ANKS1B: variants seen among roughly 807,000 people sequenced by gnomAD.
ANKS1B encodes ankyrin repeat and sterile alpha motif domain-containing protein 1B.
In ANKS1B, 36 loss-of-function variants were observed where a neutral mutation model predicts 148.3. The ratio of observed to expected loss-of-function variants is 0.24; its 90% CI spans 0.19 to 0.32. ANKS1B has a LOEUF of 0.32. Among genes scored for constraint, ANKS1B ranks in the 10% least tolerant of loss-of-function variants. The probability of loss-of-function intolerance (pLI) is 1.00; values close to 1 mark genes in which losing one functional copy is unlikely to be tolerated. For missense variants in ANKS1B, 1,157 were observed against 1,542.6 expected (o/e 0.75, Z 4.19); for synonymous variants, 542 against 560.8 (o/e 0.97, Z 0.47).
chr12:99,800,921 A>G (rs2066871637), intron 4 of ANKS1B, among the ~76,000 whole-genome samples: 1 of 152,096 alleles, frequency 6.6e-6, no homozygotes, highest in African/African-American at 2.4e-5. Context: ...GACAGAGATG[A>G]AAAGATGTTT....
chr12:99,291,100 C>A (rs561070528), intron 12 of ANKS1B, among the ~76,000 whole-genome samples: 1 of 152,004 alleles, frequency 6.6e-6, no homozygotes, highest in Non-Finnish European at 1.5e-5. Flanking sequence ...ATGCCAACAG[C>A]AAACAATATG....
In ANKS1B at chr12:99,230,718, G is replaced by A. The variant is rs112085098; in HGVS notation, c.2419+13624C>T. Reference sequence around the variant, plus strand: ...CGTCTGTGGTGCTAAGAACACAATCGTTTGATTAAACAAGATCTCTTGATA... The same window carrying A: ...CGTCTGTGGTGCTAAGAACACAATCATTTGATTAAACAAGATCTCTTGATA... On this transcript the variant is annotated intron_variant, in intron 14 of 26. Coordinates refer to ENST00000683438, the MANE Select transcript of ANKS1B (RefSeq NM_001352186.2). Among the ~76,000 whole-genome samples the A allele has an allele frequency of 9.2e-3, 1,397 of 152,122 alleles. 9 individuals are homozygous for A. The highest frequency in any genetic ancestry group is 0.014 in the African/African-American group (598 of 41,522).
At chr12:99,468,891 A>G (rs2152894862) in intron 10 of ANKS1B, among the ~76,000 whole-genome samples, 1 of 152,288 alleles carries the variant, frequency 6.6e-6, no homozygotes, top group South Asian at 2.1e-4. Context: ...GCGATTCCTC[A>G]GGGATCTAGA....
At chr12:99,697,714 G>A (rs1236471283) in intron 8 of ANKS1B, among the ~76,000 whole-genome samples, 1 of 152,030 alleles carries the variant, frequency 6.6e-6, no homozygotes, top group Non-Finnish European at 1.5e-5. Context: ...AACACAAAGA[G>A]TAAAACCCTA....
chr12:99,725,139 C>A (rs2058488993), intron 8 of ANKS1B, among the ~76,000 whole-genome samples: 1 of 152,288 alleles, frequency 6.6e-6, no homozygotes, highest in South Asian at 2.1e-4. Context: ...ATGACAGGAT[C>A]AAAATCACAT....
intron 12 of ANKS1B, among the ~76,000 whole-genome samples, chr12:99,359,170 A>G (rs56344716): frequency 2.0e-5 from 3 of 152,164 alleles, no homozygotes; most frequent in African/African-American, 4.8e-5. Context: ...TTTGGTTTGG[A>G]AGCTCGGGAT....
At chr12:99,280,279 A>G (rs1297008508) in intron 12 of ANKS1B, among the ~76,000 whole-genome samples, 3 of 152,098 alleles carry the variant, frequency 2.0e-5, no homozygotes, top group Admixed American at 6.6e-5. Context: ...AATGCTAGTG[A>G]GTAGACATGC....
rs138808140 is a variant in ANKS1B at position 99,858,402 on chromosome 12, T to G, written c.135-33013A>C. Among the ~76,000 whole-genome samples the G allele has an allele frequency of 7.9e-3, 1,205 of 152,126 alleles. 14 individuals are homozygous for G. The highest frequency in any genetic ancestry group is 0.027 in the African/African-American group (1,140 of 41,496). ...GATGGTGGTGTGGATGTGGTAAAAA[T>G]GGAACACTTTTACACTGTTGGTGGG... On this transcript the variant is annotated intron_variant, in intron 1 of 26. Coordinates refer to ENST00000683438, the MANE Select transcript of ANKS1B (RefSeq NM_001352186.2).
intron 15 of ANKS1B, among the ~76,000 whole-genome samples, chr12:99,089,384 T>C (rs2053264709): frequency 6.6e-6 from 1 of 152,180 alleles, no homozygotes; most frequent in Non-Finnish European, 1.5e-5. Context: ...TGTCAAATGT[T>C]AAGAATGACC....
At chr12:99,280,636 C>T (rs532927194) in intron 12 of ANKS1B, among the ~76,000 whole-genome samples, 1 of 152,152 alleles carries the variant, frequency 6.6e-6, no homozygotes, top group African/African-American at 2.4e-5. Context: ...ATGGGTAGGG[C>T]AATCAGTTGA....
chr12:99,025,155 A>G (rs2099948035), intron 17 of ANKS1B, among the ~76,000 whole-genome samples: 1 of 152,172 alleles, frequency 6.6e-6, no homozygotes, highest in Admixed American at 6.5e-5. Flanking sequence ...CTGATTAACC[A>G]TCACCTAAAA....
chr12:99,411,133 A>G (rs955889059), intron 11 of ANKS1B, among the ~76,000 whole-genome samples: 4 of 152,308 alleles, frequency 2.6e-5, no homozygotes, highest in African/African-American at 9.6e-5. Context: ...TTAAGTCAAG[A>G]TTCCAAGCCC....
chr12:99,561,880 G>C (rs1048977062), intron 9 of ANKS1B, among the ~76,000 whole-genome samples: 3 of 152,114 alleles, frequency 2.0e-5, no homozygotes, highest in African/African-American at 7.2e-5. Context: ...AAGTAGAATG[G>C]TAAATCCTTT....
chr12:99,082,262 T>G (rs2050065248), intron 16 of ANKS1B, among the ~76,000 whole-genome samples: 1 of 152,016 alleles, frequency 6.6e-6, no homozygotes, highest in Non-Finnish European at 1.5e-5. Flanking sequence ...CTAAGTGGCA[T>G]GAAGAAAAAT....
chr12:99,077,758 A>G (rs1483708895), intron 16 of ANKS1B, among the ~76,000 whole-genome samples: 1 of 152,192 alleles, frequency 6.6e-6, no homozygotes, highest in East Asian at 1.9e-4. Flanking sequence ...AATTATCTTC[A>G]TAGAATGTCT....
intron 10 of ANKS1B, among the ~76,000 whole-genome samples, chr12:99,474,631 T>C (rs2096288134): frequency 1.3e-5 from 2 of 152,028 alleles, no homozygotes; most frequent in South Asian, 4.1e-4. Flanking sequence ...ATGAAAATAT[T>C]AAAATATATA....
chr12:99,327,403 T>A (rs1269360768), intron 12 of ANKS1B, among the ~76,000 whole-genome samples: 1 of 132,974 alleles, frequency 7.5e-6, no homozygotes. Flanking sequence ...AATTACATAT[T>A]ATATATAATT....
intron 14 of ANKS1B, among the ~76,000 whole-genome samples, chr12:99,209,276 T>A (rs571653114): frequency 1.3e-5 from 2 of 152,214 alleles, no homozygotes; most frequent in African/African-American, 4.8e-5. Context: ...TCAGGCCAAG[T>A]TGGATGAGAT....
chr12:99,528,492 G>T (rs532601018), intron 9 of ANKS1B, among the ~76,000 whole-genome samples: 8 of 146,732 alleles, frequency 5.5e-5, no homozygotes, highest in African/African-American at 2.0e-4. Flanking sequence ...CAGAATGGGA[G>T]AAAATATTTG....
Sources: gnomAD v4.1 joint callset for allele counts (sites outside exome capture counted in the v4.1 genomes callset) on GRCh38, gnomAD v4.1.1 for gene constraint, MANE v1.5 for transcripts, NCBI Gene and HGNC (gene_info 2026-07-23, HGNC 2026-07-21) for gene names.